Variants in AGFG1 observed in about 807,000 individuals in gnomAD.
The protein encoded by AGFG1 is ArfGAP with FG repeats 1, also known as arf-GAP domain and FG repeat-containing protein 1.
Under a neutral mutation model 60.6 loss-of-function variants are expected in AGFG1, and 10 were observed. The observed-to-expected ratio is 0.16, with a 90% CI of 0.10 to 0.28. AGFG1 has a LOEUF of 0.28. AGFG1 is among the 10% of genes least tolerant of loss of function. The probability of loss-of-function intolerance (pLI) is 1.00; values close to 1 mark genes in which losing one functional copy is unlikely to be tolerated. For synonymous variants in AGFG1, 247 were observed against 242.9 expected (o/e 1.02, Z -0.16); for missense variants, 537 against 676.5 (o/e 0.79, Z 2.29).
intron 3 of AGFG1, among the ~76,000 whole-genome samples, chr2:227,522,625 A>G (rs1392902634): frequency 6.6e-6 from 1 of 152,214 alleles, no homozygotes; most frequent in African/African-American, 2.4e-5. Flanking sequence ...TAGTTTGCCC[A>G]AGGTTTCACA....
intron 10 of AGFG1, among the ~76,000 whole-genome samples, chr2:227,544,375 C>T (rs1237429929): frequency 7.3e-5 from 11 of 151,680 alleles, no homozygotes; most frequent in African/African-American, 2.2e-4. Flanking sequence ...AGGATGGTGT[C>T]GATCTCCTGA....
rs554809727 is a variant in AGFG1, at chr2:227,535,480, T to G, written c.1205+455T>G. On this transcript the variant is annotated intron_variant, in intron 8 of 12. Transcript: ENST00000310078. The stretch of plus-strand genomic sequence containing the variant: ...TCAATTCTGTATCTCTTCAGTGTCA[T>G]CCTCATATTTACAAATAAGCACATC... Among the ~76,000 whole-genome samples, 3 of 152,240 alleles carry G rather than the reference T, an allele frequency of 2.0e-5. 1 individual carries two copies. In the South Asian group the frequency reaches 6.2e-4, roughly 31 times the overall value.
At chr2:227,478,744 C>T (rs1256750768) in intron 1 of AGFG1, among the ~76,000 whole-genome samples, 1 of 152,196 alleles carries the variant, frequency 6.6e-6, no homozygotes, top group African/African-American at 2.4e-5. Flanking sequence ...AACCCAGACT[C>T]ATGCTGTACT....
intron 2 of AGFG1, among the ~76,000 whole-genome samples, chr2:227,505,536 C>T (rs934551852): frequency 2.0e-5 from 3 of 152,056 alleles, no homozygotes; most frequent in African/African-American, 7.2e-5. Context: ...CCAGATTGGA[C>T]AATTTCTCTC....
In AGFG1 at chr2:227,472,370, C is replaced by A; in HGVS notation, c.-52C>A. ...CCCGTGGGACCGCGGGCCCCCGGCG[C>A]AGCGCTGCCCGGCTCCCGGCCCTGC... is the stretch of plus-strand genomic sequence containing the variant. On this transcript the variant is annotated 5_prime_UTR_variant, in exon 1 of 13. Coordinates refer to ENST00000310078, the MANE Select transcript of AGFG1 (RefSeq NM_004504.5). 1 of 1,135,572 alleles carries A rather than the reference C, an allele frequency of 8.8e-7. No homozygotes were observed. The highest frequency in any genetic ancestry group is 5.3e-5 in the East Asian group (1 of 18,812). The allele number at this position is 1,135,572 out of a possible 1,614,324, so 70.3% of individuals were successfully genotyped here. A position where few individuals can be genotyped will look rare whatever the true frequency, so the allele number is the denominator to read the frequency against.
At chr2:227,544,149 T>A (rs1284182287) in intron 10 of AGFG1, among the ~76,000 whole-genome samples, 1 of 25,388 alleles carries the variant, frequency 3.9e-5, no homozygotes, top group Admixed American at 4.8e-4. Flanking sequence ...TCTGTGTCTT[T>A]TTTTTTTTTT....
intron 2 of AGFG1, among the ~76,000 whole-genome samples, chr2:227,501,069 C>T (rs1236100262): frequency 6.6e-6 from 1 of 151,866 alleles, no homozygotes; most frequent in Non-Finnish European, 1.5e-5. Flanking sequence ...GCTGGGATTA[C>T]AGGCGTGAGC....
chr2:227,475,346 T>C (rs548540309), intron 1 of AGFG1, among the ~76,000 whole-genome samples: 194 of 152,314 alleles, frequency 1.3e-3, no homozygotes, highest in African/African-American at 4.6e-3. Context: ...ATGCCACAAC[T>C]GGACACATGT....
chr2:227,509,581 C>T (rs916262330), intron 2 of AGFG1, among the ~76,000 whole-genome samples: 4 of 151,880 alleles, frequency 2.6e-5, no homozygotes, highest in East Asian at 3.9e-4. Context: ...TGTTATGTCA[C>T]CAATTTAAAT....
At position 227,524,842 on chromosome 2, in the gene AGFG1, C is replaced by A; in HGVS notation, c.621C>A (p.Ile207=). Residue 207 remains isoleucine, a synonymous_variant, in exon 5 of 13, where the codon ATC becomes ATA. Transcript: ENST00000310078. Reference sequence around the variant, plus strand: ...TTTTAAGTGATCTCGGCTCAGACATCTTTGCTGCTCCAGCTCCTCAGTCAA... The same window carrying A: ...TTTTAAGTGATCTCGGCTCAGACATATTTGCTGCTCCAGCTCCTCAGTCAA... ...FDLLSDLGSD[I]FAAPAPQSTA... 1 of 1,614,158 alleles carries A rather than the reference C, an allele frequency of 6.2e-7. No homozygotes were observed. The highest frequency in any genetic ancestry group is 8.5e-7 in the Non-Finnish European group (1 of 1,180,000).
intron 2 of AGFG1, among the ~76,000 whole-genome samples, chr2:227,509,749 T>C (rs1403369657): frequency 6.6e-6 from 1 of 152,030 alleles, no homozygotes; most frequent in East Asian, 1.9e-4. Context: ...AATTGTAATG[T>C]TTAAGGATGT....
At chr2:227,485,108 A>C (rs1195314979) in intron 1 of AGFG1, among the ~76,000 whole-genome samples, 2 of 152,024 alleles carry the variant, frequency 1.3e-5, no homozygotes, top group South Asian at 2.1e-4. Context: ...ATTTTTTCTT[A>C]CCACTTGAAG....
chr2:227,540,536 T>C (rs1341408311), intron 10 of AGFG1, among the ~76,000 whole-genome samples: 2 of 152,238 alleles, frequency 1.3e-5, no homozygotes, highest in Admixed American at 6.5e-5. Context: ...CATCCTTTTT[T>C]ATGGCTGCAT....
intron 10 of AGFG1, among the ~76,000 whole-genome samples, chr2:227,546,428 C>T (rs1329826231): frequency 6.6e-6 from 1 of 152,220 alleles, no homozygotes; most frequent in African/African-American, 2.4e-5. Context: ...TTCCCTGACC[C>T]CTTGCACTTC....
intron 2 of AGFG1, among the ~76,000 whole-genome samples, chr2:227,500,702 AT>A (rs1315897011): frequency 6.6e-6 from 1 of 152,240 alleles, no homozygotes; most frequent in Non-Finnish European, 1.5e-5. Context: ...TCCATCTGAT[AT>A]TTCAAAGTAA....
At chr2:227,519,364 C>G (rs538277498) in intron 2 of AGFG1, among the ~76,000 whole-genome samples, 15 of 151,962 alleles carry the variant, frequency 9.9e-5, no homozygotes, top group Non-Finnish European at 2.2e-4. Context: ...ATCAGTTTTT[C>G]TCTTTATAGT....
At chr2:227,532,013 G>A in intron 6 of AGFG1, 2 of 679,720 alleles carry the variant, frequency 2.9e-6, no homozygotes, top group South Asian at 4.6e-5. Flanking sequence ...CCCTTATTTA[G>A]ATTTTTGGCT....
chr2:227,493,355 C>G (rs752940866), intron 2 of AGFG1, among the ~76,000 whole-genome samples: 3 of 152,156 alleles, frequency 2.0e-5, no homozygotes, highest in Non-Finnish European at 4.4e-5. Flanking sequence ...ATTCTACTCT[C>G]TGCTTCTATG....
intron 2 of AGFG1, among the ~76,000 whole-genome samples, chr2:227,506,834 C>T (rs1382695834): frequency 6.6e-6 from 1 of 152,112 alleles, no homozygotes; most frequent in Non-Finnish European, 1.5e-5. Flanking sequence ...GTCATTTATT[C>T]CACCTTCTGG....
Sources: gnomAD v4.1 joint callset for allele counts (sites outside exome capture counted in the v4.1 genomes callset) on GRCh38, gnomAD v4.1.1 for gene constraint, MANE v1.5 for transcripts, NCBI Gene and HGNC (gene_info 2026-07-23, HGNC 2026-07-21) for gene names.